Variants in ADAMTS13 observed in about 807,000 individuals in gnomAD.
ADAMTS13 encodes A disintegrin and metalloproteinase with thrombospondin motifs 13.
ADAMTS13 carries 110 observed loss-of-function variants against 155.1 expected under a neutral mutation model. That is an observed-to-expected ratio of 0.71 (90% CI 0.61 to 0.83). ADAMTS13 has a LOEUF of 0.83. Ranked by LOEUF, ADAMTS13 falls within the 40% of genes least tolerant of loss-of-function variation. The pLI is 0.00. For missense variants in ADAMTS13, 1,707 were observed against 1,891.7 expected (o/e 0.90, Z 1.81); for synonymous variants, 758 against 756.4 (o/e 1.00, Z -0.03).
chr9:133,439,469 A>G, intron 15 of ADAMTS13, 23 bp downstream of exon 15: 2 of 1,592,336 alleles, frequency 1.3e-6, no homozygotes, highest in East Asian at 2.2e-5. Context: ...GAGGACTCCC[A>G]CCCAGTTAGC....
chr9:133,430,066 A>G lies in ADAMTS13; in HGVS notation c.952A>G (p.Lys318Glu), dbSNP rs1840631283. Residue 318 changes from lysine (K) to glutamate (E), a missense_variant, in exon 8 of 29, where the codon AAG (lysine) becomes GAG (glutamate). Around this residue, in one of 3 missense-constraint regions of ADAMTS13, gnomAD observed 733 missense variants for 749.6 expected, o/e 0.98. Transcript: ENST00000355699. ...GCAGTGCCGCGTGGCCTTCGGCCCC[A>G]AGGCTGTCGCCTGCACCTTCGCCAG... Reference protein sequence around the residue: ...NEQCRVAFGPKAVACTFAREH... With the variant: ...NEQCRVAFGPEAVACTFAREH... The G allele has an allele frequency of 6.3e-7, 1 of 1,594,808 alleles. No individual in the cohort carries two copies. Among genetic ancestry groups the G allele is most frequent in the Non-Finnish European group, 8.5e-7 (1 of 1,176,348 alleles).
In ADAMTS13 at chr9:133,424,258, T is replaced by C; in HGVS notation, c.173-63T>C. 1 of 1,603,138 alleles carries C rather than the reference T, an allele frequency of 6.2e-7. No homozygotes were observed. The highest frequency in any genetic ancestry group is 8.5e-7 in the Non-Finnish European group (1 of 1,179,252). Reference sequence around the variant, plus strand: ...TTCCAAGACCTGCCAGCCCCTTTCCTGTTAGCTTTCCACTGCTTGCTCTCT... The same window carrying C: ...TTCCAAGACCTGCCAGCCCCTTTCCCGTTAGCTTTCCACTGCTTGCTCTCT... On this transcript the variant is annotated intron_variant, in intron 2 of 28. Coordinates refer to ENST00000355699, the MANE Select transcript of ADAMTS13 (RefSeq NM_139027.6). The surrounding 1 kb of genome is among the most constrained non-coding windows in gnomAD (Gnocchi z 4.3).
At chr9:133,447,890 A>G (rs1554793073) in intron 21 of ADAMTS13, among the ~76,000 whole-genome samples, 1 of 151,676 alleles carries the variant, frequency 6.6e-6, no homozygotes, top group African/African-American at 2.4e-5. Context: ...CACTGAGCCT[A>G]TTTCTTTTGA....
rs943976742 is a variant in ADAMTS13, at chr9:133,448,107, A to G, written c.2732-492A>G. Among the ~76,000 whole-genome samples, 13 of 151,354 alleles carry G rather than the reference A, an allele frequency of 8.6e-5. 1 individual carries two copies. Among genetic ancestry groups the G allele is most frequent in the African/African-American group, 3.2e-4 (13 of 41,186 alleles). On this transcript the variant is annotated intron_variant, in intron 21 of 28. Transcript: ENST00000355699. The stretch of plus-strand genomic sequence containing the variant: ...CTGGGTTCAAGTGATTCTCCGTCTC[A>G]GCCTCCTGAGTAGCTGGGATTACAG...
intron 7 of ADAMTS13, among the ~76,000 whole-genome samples, chr9:133,429,017 C>T (rs1449189793): frequency 4.0e-5 from 6 of 150,598 alleles, no homozygotes; most frequent in Admixed American, 1.3e-4. Context: ...GTCCCCACCT[C>T]TCCCTACGTC....
In ADAMTS13 at chr9:133,440,361, C is replaced by T. The variant is rs150234885; in HGVS notation, c.1804C>T (p.Arg602Cys). ...CCCGACAGCGGTGAGGATCGGAGGG[C>T]GCTATGTCGTGGCTGGGAAGATGAG... ...FTHLAVRIGG[R>C]YVVAGKMSIS... The change falls in exon 16 of 29, where the codon CGC (arginine) becomes TGC (cysteine). Residue 602 changes from arginine (R) to cysteine (C), a missense_variant. Physicochemically the swap from Arg to Cys is radical, Grantham distance 180. Coordinates refer to ENST00000355699, the MANE Select transcript of ADAMTS13 (RefSeq NM_139027.6). This position sits in a 1 kb window ranked among gnomAD's most constrained non-coding sequence, Gnocchi z 4.3. The T allele has an allele frequency of 2.7e-5, 43 of 1,613,862 alleles. No individual in the cohort carries two copies. The highest frequency in any genetic ancestry group is 2.1e-4 in the African/African-American group (16 of 74,924).
At chr9:133,453,473 C>T (rs1013376479) in intron 23 of ADAMTS13, among the ~76,000 whole-genome samples, 1 of 151,598 alleles carries the variant, frequency 6.6e-6, no homozygotes, top group African/African-American at 2.4e-5. Flanking sequence ...AGTGAGACTC[C>T]ATCTCAAAAA....
chr9:133,435,560 C>T (rs377359687), intron 11 of ADAMTS13, among the ~76,000 whole-genome samples: 5 of 143,630 alleles, frequency 3.5e-5, no homozygotes, highest in South Asian at 4.4e-4. Context: ...GATGGAGTCT[C>T]GCTCTGTCGC....
intron 14 of ADAMTS13, 140 bp downstream of exon 14, chr9:133,438,506 C>A: frequency 7.5e-7 from 1 of 1,332,382 alleles, no homozygotes; most frequent in South Asian, 1.3e-5. Context: ...GTGGTGTCAG[C>A]GTCTCCCTCT....
In ADAMTS13 at chr9:133,456,588, G is replaced by A; in HGVS notation, c.3593G>A (p.Cys1198Tyr). The A allele has an allele frequency of 6.2e-7, 1 of 1,613,512 alleles. No individual in the cohort carries two copies. The highest frequency in any genetic ancestry group is 8.5e-7 in the Non-Finnish European group (1 of 1,179,934). The change falls in exon 27 of 29, where the codon TGC (cysteine) becomes TAC (tyrosine). Residue 1198 changes from cysteine (C) to tyrosine (Y), a missense_variant. Around this residue, in one of 3 missense-constraint regions of ADAMTS13, gnomAD observed 961 missense variants for 1,107.9 expected, o/e 0.87. Transcript: ENST00000355699. The surrounding 1 kb of genome is among the most constrained non-coding windows in gnomAD (Gnocchi z 4.4). ...GGCCGGCTCACCTGGAGGAAGATGT[G>A]CAGGAAGCTGTTGGACATGACTTTC... ...LWGRLTWRKMCRKLLDMTFSS... is the reference protein window; with the variant it reads ...LWGRLTWRKMYRKLLDMTFSS...
intron 2 of ADAMTS13, among the ~76,000 whole-genome samples, chr9:133,423,484 A>G (rs1204226088): frequency 3.3e-5 from 5 of 152,020 alleles, no homozygotes; most frequent in African/African-American, 1.2e-4. Context: ...GTGGTTTCTG[A>G]CCGTGGATGT....
chr9:133,453,020 G>A (rs1842528243), intron 23 of ADAMTS13, among the ~76,000 whole-genome samples: 1 of 152,120 alleles, frequency 6.6e-6, no homozygotes, highest in Non-Finnish European at 1.5e-5. Context: ...GGTCCAGAAC[G>A]GCACTCTCGT....
At chr9:133,422,620 G>C in intron 1 of ADAMTS13, 72 bp downstream of exon 1, 1 of 1,494,982 alleles carries the variant, frequency 6.7e-7, no homozygotes, top group African/African-American at 1.4e-5. Context: ...CCTGGGGCGA[G>C]GGGAGTGCCA....
upstream of ADAMTS13, chr9:133,417,861 G>C (rs368897286): frequency 1.8e-5 from 29 of 1,593,786 alleles, no homozygotes; most frequent in Middle Eastern, 2.2e-4. Flanking sequence ...GCCGTCCAGC[G>C]CCTGGGCCGG....
intron 21 of ADAMTS13, among the ~76,000 whole-genome samples, chr9:133,447,296 C>T (rs958716492): frequency 5.9e-5 from 9 of 152,040 alleles, no homozygotes; most frequent in Non-Finnish European, 1.2e-4. Context: ...CTTTTTCTCT[C>T]TTTTCTTTTT....
intron 1 of ADAMTS13, chr9:133,414,953 C>A: frequency 6.2e-7 from 1 of 1,612,040 alleles, no homozygotes; most frequent in Non-Finnish European, 8.5e-7. Flanking sequence ...CTTTTTGGAA[C>A]CCATCTGAGA....
At chr9:133,428,566 C>CCTG in intron 6 of ADAMTS13, 68 bp from the exon 7 acceptor site, 7 of 283,532 alleles carry the variant, frequency 2.5e-5, no homozygotes, top group Non-Finnish European at 2.6e-5. Flanking sequence ...CGCCGACCCC[C>CCTG]GTCCCGCCCC....
At chr9:133,417,692 G>A (rs147025792), upstream of ADAMTS13, 69 of 1,614,000 alleles carry the variant, frequency 4.3e-5, no homozygotes, top group African/African-American at 2.7e-5. Context: ...CACCGGGGCC[G>A]CTTGCTGGCT....
At chr9:133,448,572 C>T in intron 21 of ADAMTS13, 27 bp from the exon 22 acceptor site, 1 of 1,607,184 alleles carries the variant, frequency 6.2e-7, no homozygotes, top group Non-Finnish European at 8.5e-7. Flanking sequence ...TCCCTTGGGG[C>T]TCTGGGTCTC....
Sources: gnomAD v4.1 joint callset for allele counts (sites outside exome capture counted in the v4.1 genomes callset) on GRCh38, gnomAD v4.1.1 for gene constraint, gnomAD v4.1.1 regional missense constraint, Gnocchi (gnomAD v3.1) non-coding constraint, MANE v1.5 for transcripts, NCBI Gene and HGNC (gene_info 2026-07-23, HGNC 2026-07-21) for gene names.